Variants in MYOM2 observed in about 807,000 individuals in gnomAD.
MYOM2 encodes myomesin-2.
In MYOM2, 254 loss-of-function variants were observed where a neutral mutation model predicts 187.6. The ratio of observed to expected loss-of-function variants is 1.35; its 90% CI spans 1.22 to 1.50. MYOM2 has a LOEUF of 1.50. MYOM2 is among the 40% of genes most tolerant of loss of function. MYOM2 has a pLI of 0.00. For synonymous variants in MYOM2, 981 were observed against 753.8 expected (o/e 1.30, Z -4.94); for missense variants, 2,796 against 1,924.0 (o/e 1.45, Z -8.48).
intron 1 of MYOM2, among the ~76,000 whole-genome samples, chr8:2,047,566 G>C (rs2129325849): frequency 6.6e-6 from 1 of 152,302 alleles, no homozygotes; most frequent in Admixed American, 6.5e-5. Context: ...TTTAGGCTTG[G>C]CTGGCACGTT....
rs768832793 is a variant in MYOM2, at chr8:2,106,236, A to T, written c.2735-6A>T. The T allele has an allele frequency of 9.9e-6, 16 of 1,613,836 alleles. No homozygotes were observed. The African/African-American group carries it at 1.9e-4, about 19-fold the overall frequency. On this transcript the variant is annotated splice_region_variant and splice_polypyrimidine_tract_variant and intron_variant, in intron 21 of 36. Coordinates refer to ENST00000262113, the MANE Select transcript of MYOM2 (RefSeq NM_003970.4). ...AAGCCGCTCACTTCATACTCTTCTT[A>T]TGCAGGCACCAAGGAAATCAGTGCT...
chr8:2,139,189 G>A (rs889621927), intron 32 of MYOM2, among the ~76,000 whole-genome samples: 4 of 152,162 alleles, frequency 2.6e-5, no homozygotes, highest in Admixed American at 6.5e-5. Flanking sequence ...TGGCCAGGCC[G>A]GAGTGCGGTG....
At chr8:2,112,178 A>C (rs947160420) in intron 25 of MYOM2, among the ~76,000 whole-genome samples, 2 of 152,168 alleles carry the variant, frequency 1.3e-5, no homozygotes, top group African/African-American at 4.8e-5. Flanking sequence ...GTCAGATGTG[A>C]AGTTGCCCTT....
In MYOM2 at chr8:2,057,436, G is replaced by A. The variant is rs868050967; in HGVS notation, c.352G>A (p.Ala118Thr). Residue 118 changes from alanine (A) to threonine (T), a missense_variant, in exon 4 of 37, where the codon GCA (alanine) becomes ACA (threonine). By Grantham distance (58) the Ala-to-Thr change is moderately conservative (BLOSUM62 0). Coordinates refer to ENST00000262113, the MANE Select transcript of MYOM2 (RefSeq NM_003970.4). ...CCACTTGGAGGAGGATGTCCACCTG[G>A]CACGCTCCCAGGCCCGCGACAAGCT... ...LAHLEEDVHL[A>T]RSQARDKLDK... 1 of 1,613,996 alleles carries A rather than the reference G, an allele frequency of 6.2e-7. No individual in the cohort carries two copies. The highest frequency in any genetic ancestry group is 8.5e-7 in the Non-Finnish European group (1 of 1,179,978).
At chr8:2,079,470 G>C in intron 12 of MYOM2, 90 bp from the exon 13 acceptor site, 11 of 1,239,514 alleles carry the variant, frequency 8.9e-6, no homozygotes, top group Non-Finnish European at 1.1e-5. Context: ...CTAATGCAGA[G>C]GAGATGCAGA....
At chr8:2,045,894 G>GT (rs1818297370) in intron 1 of MYOM2, among the ~76,000 whole-genome samples, 1 of 152,234 alleles carries the variant, frequency 6.6e-6, no homozygotes. Flanking sequence ...GAAGGAAGGG[G>GT]TTTGCCATCA....
At chr8:2,045,875 A>C (rs921947447) in intron 1 of MYOM2, among the ~76,000 whole-genome samples, 1 of 152,238 alleles carries the variant, frequency 6.6e-6, no homozygotes, top group African/African-American at 2.4e-5. Flanking sequence ...AAGGCACCGG[A>C]GGCAAACGGA....
chr8:2,106,505 T>G lies in MYOM2; in HGVS notation c.2906T>G (p.Leu969Ter). Residue 969 changes from leucine (L) to a stop codon, truncating the protein, a stop_gained, in exon 23 of 37, where the codon TTA becomes TGA. Transcript: ENST00000262113. LOFTEE classifies it high-confidence loss of function. ...ETVGDHSKLY[L>*]KNPDKEDLGT... ...TTCCTTTTTAGCTCCAAGCTGTACT[T>G]AAAGAATCCGGATAAGGAGGATTTA... The G allele has an allele frequency of 6.2e-7, 1 of 1,612,474 alleles. No individual in the cohort carries two copies. The highest frequency in any genetic ancestry group is 8.5e-7 in the Non-Finnish European group (1 of 1,178,558).
rs1798344400 is a variant in MYOM2 at position 2,143,344 on chromosome 8, T to C, written c.4025-57T>C. The stretch of plus-strand genomic sequence containing the variant: ...TACCCACTGCTGCTTACATGGCTCC[T>C]GCTCCGTGGGAACGTCCCGCAGATG... On this transcript the variant is annotated intron_variant, in intron 35 of 36. Coordinates refer to ENST00000262113, the MANE Select transcript of MYOM2 (RefSeq NM_003970.4). 3.3e-5 allele frequency: 53 copies of C among 1,604,228 alleles called. 1 individual carries two copies. In the South Asian group the frequency reaches 5.5e-4, roughly 17 times the overall value.
intron 18 of MYOM2, chr8:2,098,113 T>A (rs1367715010): frequency 1.3e-5 from 2 of 152,252 alleles, no homozygotes; most frequent in Non-Finnish European, 2.9e-5. Context: ...CTGAGAAAAG[T>A]ACCTGCTTAC....
At chr8:2,104,596 C>A (rs1212005176) in intron 21 of MYOM2, among the ~76,000 whole-genome samples, 4 of 150,446 alleles carry the variant, frequency 2.7e-5, no homozygotes, top group Admixed American at 6.6e-5. Context: ...CGGAGCAAGA[C>A]TCCATTTAAA....
Position 2,102,662 on chromosome 8 carries a change from T to C in MYOM2, c.2620-5T>C. On this transcript the variant is annotated splice_region_variant and splice_polypyrimidine_tract_variant and intron_variant, in intron 20 of 36. Transcript: ENST00000262113. ...CACATCTGGTGTTTCCTCTGTTGTTTCAAGGTCTCTGACCTGCAGCAAGGT... is the reference window on the plus strand; with the variant it reads ...CACATCTGGTGTTTCCTCTGTTGTTCCAAGGTCTCTGACCTGCAGCAAGGT... 1 of 1,600,422 alleles carries C rather than the reference T, an allele frequency of 6.2e-7. No individual in the cohort carries two copies. The highest frequency in any genetic ancestry group is 8.6e-7 in the Non-Finnish European group (1 of 1,168,364).
chr8:2,100,812 G>T, intron 19 of MYOM2, 64 bp from the exon 20 acceptor site: 1 of 1,564,192 alleles, frequency 6.4e-7, no homozygotes, highest in Non-Finnish European at 8.7e-7. Context: ...CCGGGGCTGG[G>T]TTGGGCGGTG....
At chr8:2,127,309 G>T (rs919155843) in intron 31 of MYOM2, among the ~76,000 whole-genome samples, 2 of 152,062 alleles carry the variant, frequency 1.3e-5, no homozygotes, top group African/African-American at 4.8e-5. Context: ...CTGCCTTACA[G>T]ATTTTCAATA....
intron 21 of MYOM2, among the ~76,000 whole-genome samples, chr8:2,103,243 G>C (rs1330160715): frequency 7.1e-6 from 1 of 141,266 alleles, no homozygotes; most frequent in Non-Finnish European, 1.6e-5. Context: ...TGTGTATATG[G>C]ATAAATGAGT....
intron 28 of MYOM2, among the ~76,000 whole-genome samples, chr8:2,121,402 T>C (rs1268213601): frequency 3.5e-4 from 53 of 152,190 alleles, no homozygotes; most frequent in Admixed American, 3.4e-3. Context: ...CTTAGTGGGA[T>C]AGAACCGTCT....
At chr8:2,059,009 C>T (rs941658495) in intron 5 of MYOM2, 144 bp from the exon 6 acceptor site, 13 of 652,048 alleles carry the variant, frequency 2.0e-5, no homozygotes, top group African/African-American at 1.8e-4. Context: ...TGGGCCTCAC[C>T]GTCAGGGCTC....
chr8:2,051,952 G>T (rs1451084286), intron 2 of MYOM2, among the ~76,000 whole-genome samples: 1 of 152,236 alleles, frequency 6.6e-6, no homozygotes, highest in East Asian at 1.9e-4. Context: ...CGCATGTATT[G>T]TATGTGCATA....
chr8:2,082,401 T>G (rs1301621230), intron 13 of MYOM2, among the ~76,000 whole-genome samples: 2 of 152,238 alleles, frequency 1.3e-5, no homozygotes, highest in South Asian at 4.1e-4. Flanking sequence ...GCTGATTTTT[T>G]TTTCTTTTAC....
Sources: allele counts gnomAD v4.1 joint callset (sites outside exome capture counted in the v4.1 genomes callset), GRCh38; gene constraint gnomAD v4.1.1; transcripts MANE v1.5; gene names NCBI Gene and HGNC (gene_info 2026-07-23, HGNC 2026-07-21).